The following MAST2 variants were observed in gnomAD, a reference collection of about 807,000 sequenced individuals.
MAST2 encodes microtubule-associated serine/threonine-protein kinase 2.
Under a neutral mutation model 147.4 loss-of-function variants are expected in MAST2, and 70 were observed. That is an observed-to-expected ratio of 0.47 (90% CI 0.39 to 0.58). The LOEUF is 0.58. MAST2 is among the 20% of genes least tolerant of loss of function. The pLI, the probability that MAST2 is intolerant of heterozygous loss-of-function variation, is 0.00. For missense variants in MAST2, 2,080 were observed against 2,302.3 expected (o/e 0.90, Z 1.98); for synonymous variants, 869 against 896.8 (o/e 0.97, Z 0.55).
At position 46,023,738 on chromosome 1, in the gene MAST2, G is replaced by T; in HGVS notation, c.1572-34G>T. On this transcript the variant is annotated intron_variant, in intron 14 of 28. Coordinates refer to ENST00000361297, the MANE Select transcript of MAST2 (RefSeq NM_015112.3). The surrounding 1 kb of genome is among the most constrained non-coding windows in gnomAD (Gnocchi z 4.9). Reference sequence around the variant, plus strand: ...AGAGAGCACAGCTCAGGTGCTGAGGGTCCATGGGGGATGGGCCGGACTTTG... The same window carrying T: ...AGAGAGCACAGCTCAGGTGCTGAGGTTCCATGGGGGATGGGCCGGACTTTG... 1 of 1,601,426 alleles carries T rather than the reference G, an allele frequency of 6.2e-7. No individual in the cohort carries two copies. Among genetic ancestry groups the T allele is most frequent in the South Asian group, 1.1e-5 (1 of 89,786 alleles).
intron 10 of MAST2, among the ~76,000 whole-genome samples, chr1:46,014,944 A>T (rs914394620): frequency 1.8e-4 from 28 of 152,088 alleles, no homozygotes; most frequent in Non-Finnish European, 4.4e-5. Context: ...TCCTCAGCAA[A>T]TGTAAAAGAA....
intron 3 of MAST2, among the ~76,000 whole-genome samples, chr1:45,854,182 T>C (rs1460760828): frequency 1.3e-5 from 2 of 151,918 alleles, no homozygotes; most frequent in African/African-American, 2.4e-5. Context: ...ACTAAAAATA[T>C]AACAATTAGC....
At chr1:45,892,118 A>T (rs376737014) in intron 4 of MAST2, among the ~76,000 whole-genome samples, 1 of 152,218 alleles carries the variant, frequency 6.6e-6, no homozygotes, top group Non-Finnish European at 1.5e-5. Context: ...ATGATTCTCA[A>T]ATGTGACCTT....
rs35098249 is a variant in MAST2, at chr1:45,832,309, T to C, written c.468+2728T>C. Among the ~76,000 whole-genome samples, 262 of 151,836 alleles carry C rather than the reference T, an allele frequency of 1.7e-3. 1 individual carries two copies. The highest frequency in any genetic ancestry group is 6.8e-3 in the Middle Eastern group (2 of 294). On this transcript the variant is annotated intron_variant, in intron 3 of 28. Coordinates refer to ENST00000361297, the MANE Select transcript of MAST2 (RefSeq NM_015112.3). ...TTTCTTTTCTTTTCTTTCTTTCTTT[T>C]TTTTTTTTTGAGACAGGTTCTCCCT... is the stretch of plus-strand genomic sequence containing the variant.
chr1:45,848,813 A>T (rs565372217), intron 3 of MAST2, among the ~76,000 whole-genome samples: 57 of 152,346 alleles, frequency 3.7e-4, no homozygotes, highest in Admixed American at 3.3e-3. Flanking sequence ...AGATGACATG[A>T]TTGTATGTGT....
intron 9 of MAST2, among the ~76,000 whole-genome samples, chr1:46,009,958 G>A (rs1233702790): frequency 6.6e-6 from 1 of 152,174 alleles, no homozygotes; most frequent in Non-Finnish European, 1.5e-5. Flanking sequence ...CTGTCATTTT[G>A]ACATGACTGT....
At position 46,036,072 on chromosome 1, in the gene MAST2, G is replaced by GCAAACATAGC. The variant is rs1646894928; in HGVS notation, c.*6_*7insCAAACATAGC. ...AGCTTTTAAAGCAAACATAGCAGTT[G>GCAAACATAGC]TTTGCCATTTCTTGCACTCAGACCT... is the stretch of plus-strand genomic sequence containing the variant. On this transcript the variant is annotated 3_prime_UTR_variant, in exon 29 of 29. Coordinates refer to ENST00000361297, the MANE Select transcript of MAST2 (RefSeq NM_015112.3). 6.3e-7 allele frequency: 1 copy of GCAAACATAGC among 1,594,168 alleles called. No homozygotes were observed. Among genetic ancestry groups the GCAAACATAGC allele is most frequent in the Non-Finnish European group, 8.5e-7 (1 of 1,169,906 alleles).
chr1:45,830,745 G>A (rs924311486), intron 3 of MAST2, among the ~76,000 whole-genome samples: 5 of 150,732 alleles, frequency 3.3e-5, no homozygotes, highest in African/African-American at 7.3e-5. Flanking sequence ...AATGAGGGCC[G>A]GGTGCAGTGG....
At chr1:45,879,855 A>T (rs1394769481) in intron 3 of MAST2, among the ~76,000 whole-genome samples, 1 of 152,198 alleles carries the variant, frequency 6.6e-6, no homozygotes, top group Non-Finnish European at 1.5e-5. Context: ...ACCCGTACAC[A>T]CCTAAATGGC....
intron 1 of MAST2, among the ~76,000 whole-genome samples, chr1:45,807,127 C>T (rs1644164797): frequency 3.9e-5 from 6 of 152,196 alleles, no homozygotes; most frequent in Admixed American, 3.3e-4. Context: ...GTCTTTTCCT[C>T]ATCTTGTCTG....
At chr1:45,868,760 CAA>C (rs1030328018) in intron 3 of MAST2, among the ~76,000 whole-genome samples, 27 of 152,074 alleles carry the variant, frequency 1.8e-4, no homozygotes, top group Admixed American at 1.3e-3. Context: ...TCTTTAAAAA[CAA>C]AATCTTCAAG....
At chr1:45,859,703 A>G (rs1260661522) in intron 3 of MAST2, among the ~76,000 whole-genome samples, 1 of 152,368 alleles carries the variant, frequency 6.6e-6, no homozygotes, top group South Asian at 2.1e-4. Flanking sequence ...ACTGATAAAT[A>G]AAAGGATAAT....
chr1:45,860,587 T>A (rs1429236174), intron 3 of MAST2, among the ~76,000 whole-genome samples: 1 of 152,032 alleles, frequency 6.6e-6, no homozygotes, highest in Admixed American at 6.6e-5. Context: ...ATCCCAGCAC[T>A]TTGGGAGGCC....
At chr1:45,839,785 G>C (rs1372470976) in intron 3 of MAST2, among the ~76,000 whole-genome samples, 1 of 152,134 alleles carries the variant, frequency 6.6e-6, no homozygotes, top group African/African-American at 2.4e-5. Context: ...TTGTATAAAG[G>C]AACAGTAATC....
At chr1:45,937,048 T>C (rs1044955688) in intron 4 of MAST2, among the ~76,000 whole-genome samples, 1 of 150,462 alleles carries the variant, frequency 6.6e-6, no homozygotes, top group African/African-American at 2.4e-5. Context: ...TGGGCTTTTT[T>C]TTTTTTTTCT....
At chr1:45,882,946 C>T (rs1380278520) in intron 4 of MAST2, among the ~76,000 whole-genome samples, 1 of 152,118 alleles carries the variant, frequency 6.6e-6, no homozygotes, top group African/African-American at 2.4e-5. Context: ...TTCTCTTGGA[C>T]TGCTTTTCCT....
rs569834869 is a variant in MAST2 at position 45,910,930 on chromosome 1, A to G, written c.500+28535A>G. On this transcript the variant is annotated intron_variant, in intron 4 of 28. Coordinates refer to ENST00000361297, the MANE Select transcript of MAST2 (RefSeq NM_015112.3). Reference sequence around the variant, plus strand: ...GTTTTCCTGTGGTCTGAACTGTACAATTTGCAAGAATGGATTTTTAGGGTT... The same window carrying G: ...GTTTTCCTGTGGTCTGAACTGTACAGTTTGCAAGAATGGATTTTTAGGGTT... Among the ~76,000 whole-genome samples, 8 of 152,302 alleles carry G rather than the reference A, an allele frequency of 5.3e-5. No individual in the cohort carries two copies. The South Asian group carries it at 1.0e-3, about 20-fold the overall frequency.
At position 45,975,861 on chromosome 1, in the gene MAST2, TG is replaced by T. The variant is rs1461704440; in HGVS notation, c.592+16386del. ...TTACCTAAGATCCATGGACCCTGAG[TG>T]GTTTTACAAGTGCCATAAATCCCCT... On this transcript the variant is annotated intron_variant, in intron 5 of 28. Transcript: ENST00000361297. 4.6e-5 allele frequency among the ~76,000 whole-genome samples: 7 copies of T among 151,932 alleles called. No homozygotes were observed. In the East Asian group the frequency reaches 1.4e-3, roughly 29 times the overall value.
chr1:46,033,665 C>A, intron 26 of MAST2, 137 bp from the exon 27 acceptor site: 1 of 1,104,110 alleles, frequency 9.1e-7, no homozygotes, highest in Non-Finnish European at 1.3e-6. Context: ...ATAATATAGG[C>A]CTGTGGTTCA....
Sources: gnomAD v4.1 joint callset for allele counts (sites outside exome capture counted in the v4.1 genomes callset) on GRCh38, gnomAD v4.1.1 for gene constraint, Gnocchi (gnomAD v3.1) non-coding constraint, MANE v1.5 for transcripts, NCBI Gene and HGNC (gene_info 2026-07-23, HGNC 2026-07-21) for gene names.